The following CNBD1 variants were observed in gnomAD, a reference collection of about 807,000 sequenced individuals.
The protein encoded by CNBD1 is cyclic nucleotide binding domain containing 1.
In CNBD1, 71 loss-of-function variants were observed where a neutral mutation model predicts 54.4. That is an observed-to-expected ratio of 1.30 (90% confidence interval 1.08 to 1.59). The LOEUF (loss-of-function observed/expected upper bound fraction) is 1.59. Ranked by LOEUF, CNBD1 falls within the 40% of genes most tolerant of loss-of-function variation. The pLI, the probability that CNBD1 is intolerant of heterozygous loss-of-function variation, is 0.00. For synonymous variants in CNBD1, 182 were observed against 170.7 expected (o/e 1.07, Z -0.51); for missense variants, 659 against 518.0 (o/e 1.27, Z -2.64).
At chr8:87,411,830 T>A (rs1219007274) in intron 2 of CNBD1, among the ~76,000 whole-genome samples, 1 of 151,968 alleles carries the variant, frequency 6.6e-6, no homozygotes, top group Non-Finnish European at 1.5e-5. Flanking sequence ...CATTCTGATA[T>A]CATTTTTCAA....
intron 4 of CNBD1, among the ~76,000 whole-genome samples, chr8:87,149,512 G>A (rs1294310776): frequency 6.6e-6 from 1 of 152,148 alleles, no homozygotes; most frequent in East Asian, 1.9e-4. Flanking sequence ...AAATCCAAGG[G>A]TAGAATATCC....
Position 87,284,738 on chromosome 8 carries a change from C to A in CNBD1, c.832C>A (p.Gln278Lys), listed in dbSNP as rs1450751739. ...EVMPQNESETQMFSVVTEDDC... is the reference protein window; with the variant it reads ...EVMPQNESETKMFSVVTEDDC... Reference sequence around the variant, plus strand: ...TATGCCTCAGAATGAATCGGAAACACAGATGTTCTCGGTGGTGACAGAAGA... The same window carrying A: ...TATGCCTCAGAATGAATCGGAAACAAAGATGTTCTCGGTGGTGACAGAAGA... The change falls in exon 7 of 11, where the codon CAG becomes AAG. Residue 278 changes from glutamine (Q) to lysine (K), a missense_variant. Coordinates refer to ENST00000518476, the MANE Select transcript of CNBD1 (RefSeq NM_173538.3). 1 of 1,604,512 alleles carries A rather than the reference C, an allele frequency of 6.2e-7. No individual in the cohort carries two copies. Among genetic ancestry groups the A allele is most frequent in the South Asian group, 1.1e-5 (1 of 88,866 alleles).
At chr8:87,229,649 A>G (rs1342725263) in intron 5 of CNBD1, among the ~76,000 whole-genome samples, 4 of 151,578 alleles carry the variant, frequency 2.6e-5, no homozygotes, top group Non-Finnish European at 5.9e-5. Context: ...TTTTCTCTGA[A>G]CTCTTCATTT....
intron 8 of CNBD1, among the ~76,000 whole-genome samples, chr8:87,286,924 C>T (rs752432231): frequency 1.3e-5 from 2 of 152,034 alleles, no homozygotes; most frequent in Non-Finnish European, 1.5e-5. Context: ...TTAACTGTTC[C>T]GCACTTGCTC....
At chr8:87,371,444 G>A (rs968620730) in intron 10 of CNBD1, among the ~76,000 whole-genome samples, 27 of 151,844 alleles carry the variant, frequency 1.8e-4, no homozygotes, top group South Asian at 6.2e-4. Flanking sequence ...GGTCCTTCAC[G>A]TCCCTTGTAA....
chr8:86,915,514 T>C (rs1403102385), intron 3 of CNBD1, among the ~76,000 whole-genome samples: 2 of 152,066 alleles, frequency 1.3e-5, no homozygotes, highest in African/African-American at 4.8e-5. Context: ...AAACTAAATA[T>C]CTCCCAAAGT....
chr8:87,379,688 C>T (rs955573054), intron 10 of CNBD1, among the ~76,000 whole-genome samples: 4 of 151,762 alleles, frequency 2.6e-5, no homozygotes, highest in African/African-American at 4.8e-5. Context: ...CATTATTGCA[C>T]TGTCAGAATA....
intron 4 of CNBD1, among the ~76,000 whole-genome samples, chr8:87,007,802 A>G (rs1173172629): frequency 6.6e-6 from 1 of 152,170 alleles, no homozygotes; most frequent in Non-Finnish European, 1.5e-5. Flanking sequence ...TTTTTACTAA[A>G]TTTACTATGT....
At chr8:87,103,434 A>G (rs1348856176) in intron 4 of CNBD1, among the ~76,000 whole-genome samples, 2 of 152,226 alleles carry the variant, frequency 1.3e-5, no homozygotes, top group South Asian at 2.1e-4. Flanking sequence ...GTCTTTTCTC[A>G]TGGTGCTAAT....
intron 4 of CNBD1, among the ~76,000 whole-genome samples, chr8:87,176,437 T>G (rs549090235): frequency 1.3e-5 from 2 of 152,240 alleles, no homozygotes; most frequent in Admixed American, 6.5e-5. Flanking sequence ...TGATTTTTCA[T>G]AATTCTTACT....
At chr8:87,131,088 G>C (rs535098340) in intron 4 of CNBD1, among the ~76,000 whole-genome samples, 1 of 151,146 alleles carries the variant, frequency 6.6e-6, no homozygotes, top group East Asian at 2.0e-4. Context: ...AATTTAAACT[G>C]TACCTCTTGC....
Position 86,874,989 on chromosome 8 carries a change from TATA to T in CNBD1, c.88+8407_88+8409del, listed in dbSNP as rs1563806937. Among the ~76,000 whole-genome samples, 154 of 15,716 alleles carry T rather than the reference TATA, an allele frequency of 9.8e-3. 1 individual carries two copies. Among genetic ancestry groups the T allele is most frequent in the Non-Finnish European group, 0.017 (108 of 6,290 alleles). The allele number at this position is 15,716 out of a possible 152,430, so 10.3% of individuals were successfully genotyped here. On this transcript the variant is annotated intron_variant, in intron 1 of 10. Coordinates refer to ENST00000518476, the MANE Select transcript of CNBD1 (RefSeq NM_173538.3). ...TTATATTTGTTTGTAAATCAATTTA[TATA>T]TATATATATATATATATATATATAT...
At chr8:87,164,790 T>G (rs1812927884) in intron 4 of CNBD1, among the ~76,000 whole-genome samples, 1 of 151,858 alleles carries the variant, frequency 6.6e-6, no homozygotes, top group African/African-American at 2.4e-5. Flanking sequence ...ACATATGCTC[T>G]AATATTTATT....
intron 4 of CNBD1, among the ~76,000 whole-genome samples, chr8:87,202,254 C>T (rs1365836143): frequency 1.3e-5 from 2 of 152,020 alleles, no homozygotes; most frequent in Admixed American, 1.3e-4. Flanking sequence ...TAGATAAGTC[C>T]ATAATAGCAA....
At chr8:87,145,510 A>G (rs1446024362) in intron 4 of CNBD1, among the ~76,000 whole-genome samples, 3 of 152,190 alleles carry the variant, frequency 2.0e-5, no homozygotes, top group African/African-American at 7.2e-5. Context: ...TAATCTAGAT[A>G]ACATAATGTA....
chr8:87,403,390 A>G (rs1807600577), intron 2 of CNBD1, among the ~76,000 whole-genome samples: 1 of 152,036 alleles, frequency 6.6e-6, no homozygotes, highest in Non-Finnish European at 1.5e-5. Flanking sequence ...TATGGCCAAT[A>G]GAGAGAAGAG....
chr8:86,927,752 A>C (rs1809387569), intron 3 of CNBD1, among the ~76,000 whole-genome samples: 1 of 152,174 alleles, frequency 6.6e-6, no homozygotes, highest in African/African-American at 2.4e-5. Flanking sequence ...GAGGTGTTAA[A>C]GATTACATAG....
intron 4 of CNBD1, among the ~76,000 whole-genome samples, chr8:87,168,029 A>G (rs953655394): frequency 6.6e-6 from 1 of 152,044 alleles, no homozygotes; most frequent in Admixed American, 6.6e-5. Context: ...TAAACATAGA[A>G]AAGATACAGT....
chr8:87,360,793 G>A (rs1053650912), intron 10 of CNBD1, among the ~76,000 whole-genome samples: 2 of 151,782 alleles, frequency 1.3e-5, no homozygotes, highest in Non-Finnish European at 2.9e-5. Flanking sequence ...CAATTCCAAG[G>A]TGTTATTGGT....
Sources: allele counts gnomAD v4.1 joint callset (sites outside exome capture counted in the v4.1 genomes callset), GRCh38; gene constraint gnomAD v4.1.1; transcripts MANE v1.5; gene names NCBI Gene and HGNC (gene_info 2026-07-23, HGNC 2026-07-21).